Variants in LPCAT1 observed in about 807,000 individuals in gnomAD.
The protein encoded by LPCAT1 is lysophosphatidylcholine acyltransferase 1, also known as 1-acylglycerol-3-phosphate O-acyltransferase.
In LPCAT1, 23 loss-of-function variants were observed where a neutral mutation model predicts 60.9. The ratio of observed to expected loss-of-function variants is 0.38; its 90% CI spans 0.27 to 0.53. The LOEUF is 0.53. Among genes scored for constraint, LPCAT1 ranks in the 20% least tolerant of loss-of-function variants. The pLI is 0.82. For missense variants in LPCAT1, 622 were observed against 723.6 expected (o/e 0.86, Z 1.61); for synonymous variants, 340 against 301.1 (o/e 1.13, Z -1.34).
Position 1,523,782 on chromosome 5 carries a change from A to G in LPCAT1, c.63T>C (p.Ala21=). 1.7e-6 allele frequency: 2 copies of G among 1,147,102 alleles called. No homozygotes were observed. The highest frequency in any genetic ancestry group is 2.1e-6 in the Non-Finnish European group (2 of 931,558). 71.1% of individuals were successfully genotyped at this position (1,147,102 alleles called of 1,614,324 possible). The change falls in exon 1 of 14, where the codon GCT becomes GCC. Residue 21 remains alanine (A), a synonymous_variant. Coordinates refer to ENST00000283415, the MANE Select transcript of LPCAT1 (RefSeq NM_024830.5). This position sits in a 1 kb window ranked among gnomAD's most constrained non-coding sequence, Gnocchi z 7.1. ...APASSAGASD[A]RLLAPPGRNP... is the part of the protein sequence containing the mutation. The stretch of plus-strand genomic sequence containing the variant: ...TCCGCCCCGGGGGCGCCAGCAGCCG[A>G]GCGTCGCTGGCCCCTGCGCTGGAGG...
intron 1 of LPCAT1, among the ~76,000 whole-genome samples, chr5:1,505,922 T>C (rs1736174020): frequency 6.6e-6 from 1 of 152,202 alleles, no homozygotes; most frequent in Non-Finnish European, 1.5e-5. Context: ...GTGCACCTGC[T>C]CCTGTTGGTG....
In LPCAT1 at chr5:1,476,617, C is replaced by T. The variant is rs1734930004; in HGVS notation, c.899+787G>A. ...CGAGGCTGATGTGGCTTCCAAGTGG[C>T]TCCTGCAGCTCAGGTCTGGCAGCCG... is the stretch of plus-strand genomic sequence containing the variant. On this transcript the variant is annotated intron_variant, in intron 9 of 13. Transcript: ENST00000283415. The surrounding 1 kb of genome is among the most constrained non-coding windows in gnomAD (Gnocchi z 8.6). 6.6e-6 allele frequency among the ~76,000 whole-genome samples: 1 copy of T among 152,158 alleles called. No individual in the cohort carries two copies. Among genetic ancestry groups the T allele is most frequent in the Non-Finnish European group, 1.5e-5 (1 of 68,020 alleles).
At position 1,474,026 on chromosome 5, in the gene LPCAT1, C is replaced by T. The variant is rs756860780; in HGVS notation, c.1110G>A (p.Ala370=). 13 of 1,614,042 alleles carry T rather than the reference C, an allele frequency of 8.1e-6. No homozygotes were observed. The highest frequency in any genetic ancestry group is 3.3e-5 in the South Asian group (3 of 91,092). Residue 370 remains alanine (A), a synonymous_variant, in exon 11 of 14, where the codon GCG becomes GCA. Transcript: ENST00000283415. ...GGACTTCCAGGGAGGCGGCAAACTC[C>T]GCAATACCTATCTTCTCTCCTCCCT... ...RMKGGEKIGI[A]EFAASLEVPV... is the part of the protein sequence containing the mutation.
intron 3 of LPCAT1, among the ~76,000 whole-genome samples, chr5:1,490,331 C>G (rs141873212): frequency 1.3e-5 from 2 of 152,164 alleles, no homozygotes; most frequent in African/African-American, 2.4e-5. Context: ...CAGGTGGTAG[C>G]AGATGCTCAA....
Position 1,476,658 on chromosome 5 carries a change from G to GC in LPCAT1, c.899+745dup, listed in dbSNP as rs1734931707. On this transcript the variant is annotated intron_variant, in intron 9 of 13. Transcript: ENST00000283415. This position sits in a 1 kb window ranked among gnomAD's most constrained non-coding sequence, Gnocchi z 8.6. ...CTGGCAGCCGCCCGGTGGAGGGGAG[G>GC]CTCTAGCTCCACTGGACAGAGCTTT... Among the ~76,000 whole-genome samples the GC allele has an allele frequency of 6.6e-6, 1 of 152,158 alleles. No individual in the cohort carries two copies. The highest frequency in any genetic ancestry group is 6.5e-5 in the Admixed American group (1 of 15,276).
At chr5:1,469,539 T>G (rs774942211) in intron 12 of LPCAT1, among the ~76,000 whole-genome samples, 5 of 152,048 alleles carry the variant, frequency 3.3e-5, no homozygotes, top group Non-Finnish European at 7.4e-5. Context: ...CACTTTGGGA[T>G]GCTGAGGTGG....
chr5:1,496,775 G>C lies in LPCAT1; in HGVS notation c.279-1861C>G, dbSNP rs1372792876. 1.3e-5 allele frequency among the ~76,000 whole-genome samples: 2 copies of C among 152,342 alleles called. No homozygotes were observed. Among genetic ancestry groups the C allele is most frequent in the Non-Finnish European group, 2.9e-5 (2 of 68,036 alleles). On this transcript the variant is annotated intron_variant, in intron 2 of 13. Transcript: ENST00000283415. The surrounding 1 kb of genome is among the most constrained non-coding windows in gnomAD (Gnocchi z 4.7). The stretch of plus-strand genomic sequence containing the variant: ...CTATCCACATGTGAAAACCCGGACT[G>C]CTGGTGTGGATGACAGCCTCAGAGA...
rs1164550096 is a variant in LPCAT1, at chr5:1,502,237, C to G, written c.136-634G>C. Among the ~76,000 whole-genome samples the G allele has an allele frequency of 1.3e-5, 2 of 152,098 alleles. No individual in the cohort carries two copies. The highest frequency in any genetic ancestry group is 4.8e-5 in the African/African-American group (2 of 41,398). On this transcript the variant is annotated intron_variant, in intron 1 of 13. Transcript: ENST00000283415. The surrounding 1 kb of genome is among the most constrained non-coding windows in gnomAD (Gnocchi z 5.5). ...CACAACCCCAGGCAGCTCCACCCCG[C>G]AGGACGCACCCCCAGGCAGCTCCGC...
rs571123446 is a variant in LPCAT1 at position 1,523,062 on chromosome 5, G to A, written c.135+648C>T. 4.6e-5 allele frequency among the ~76,000 whole-genome samples: 7 copies of A among 152,350 alleles called. No individual in the cohort carries two copies. The highest frequency in any genetic ancestry group is 3.9e-4 in the Admixed American group (6 of 15,300). ...CCCCGAGAAAGCATCCCTTACAACA[G>A]GAGCGAAGCATGCACCCCAGAAGGC... On this transcript the variant is annotated intron_variant, in intron 1 of 13. Coordinates refer to ENST00000283415, the MANE Select transcript of LPCAT1 (RefSeq NM_024830.5). This position sits in a 1 kb window ranked among gnomAD's most constrained non-coding sequence, Gnocchi z 7.1.
intron 1 of LPCAT1, among the ~76,000 whole-genome samples, chr5:1,518,569 C>T (rs1184188202): frequency 7.2e-5 from 11 of 152,168 alleles, no homozygotes; most frequent in East Asian, 1.9e-4. Flanking sequence ...CTCGATCTCC[C>T]GACCTCATGA....
At position 1,463,580 on chromosome 5, in the gene LPCAT1, G is replaced by T. The variant is rs934198823; in HGVS notation, c.*71C>A. The T allele has an allele frequency of 6.5e-7, 1 of 1,536,782 alleles. No individual in the cohort carries two copies. The highest frequency in any genetic ancestry group is 8.9e-7 in the Non-Finnish European group (1 of 1,125,484). On this transcript the variant is annotated 3_prime_UTR_variant, in exon 14 of 14. Coordinates refer to ENST00000283415, the MANE Select transcript of LPCAT1 (RefSeq NM_024830.5). ...CAGGAGTGAGGAGCGGAGCCCAGAG[G>T]TCACTCGCAAAGAGGCTCATGGCGG...
At chr5:1,520,141 T>C (rs1371169642) in intron 1 of LPCAT1, among the ~76,000 whole-genome samples, 1 of 152,196 alleles carries the variant, frequency 6.6e-6, no homozygotes, top group Non-Finnish European at 1.5e-5. Flanking sequence ...AAGAACACAC[T>C]GCAAACACAG....
intron 5 of LPCAT1, among the ~76,000 whole-genome samples, chr5:1,486,763 T>G (rs1300594063): frequency 6.6e-6 from 1 of 152,078 alleles, no homozygotes; most frequent in African/African-American, 2.4e-5. Context: ...CCTGAGAGAT[T>G]CCGAACACGT....
chr5:1,494,516 G>A (rs1735706043), intron 3 of LPCAT1, among the ~76,000 whole-genome samples, 184 bp downstream of exon 3: 1 of 151,766 alleles, frequency 6.6e-6, no homozygotes, highest in Non-Finnish European at 1.5e-5. Context: ...TCCCAGAAGG[G>A]GGGGTCCCTA....
Position 1,500,096 on chromosome 5 carries a change from C to T in LPCAT1, c.278+1365G>A, listed in dbSNP as rs1409591881. Among the ~76,000 whole-genome samples the T allele has an allele frequency of 2.6e-5, 4 of 152,358 alleles. 1 individual carries two copies. The highest frequency in any genetic ancestry group is 4.1e-4 in the South Asian group (2 of 4,832). Reference sequence around the variant, plus strand: ...CATCACGCAGGCCAGCGGGCGTGCCCGTGCTCCAGTAAAACTTTACTTATA... The same window carrying T: ...CATCACGCAGGCCAGCGGGCGTGCCTGTGCTCCAGTAAAACTTTACTTATA... On this transcript the variant is annotated intron_variant, in intron 2 of 13. Transcript: ENST00000283415.
intron 1 of LPCAT1, among the ~76,000 whole-genome samples, chr5:1,509,283 C>T (rs914613318): frequency 4.6e-5 from 7 of 152,274 alleles, no homozygotes; most frequent in African/African-American, 1.7e-4. Context: ...ATGCTCCCTC[C>T]TGAAGGTGCA....
chr5:1,475,181 G>A (rs1209495798), intron 9 of LPCAT1, among the ~76,000 whole-genome samples: 1 of 152,260 alleles, frequency 6.6e-6, no homozygotes, highest in African/African-American at 2.4e-5. Context: ...ACCGTGCCGT[G>A]TGTGCTCAGG....
At chr5:1,516,095 C>T (rs1327083677) in intron 1 of LPCAT1, among the ~76,000 whole-genome samples, 1 of 152,236 alleles carries the variant, frequency 6.6e-6, no homozygotes, top group Non-Finnish European at 1.5e-5. Context: ...CTGCTGGGGG[C>T]TGGAGGCCAC....
chr5:1,501,420 A>ACC lies in LPCAT1; in HGVS notation c.278+39_278+40dup, dbSNP rs368802517. On this transcript the variant is annotated intron_variant, in intron 2 of 13. Transcript: ENST00000283415. ...TGGGTTCCCACTGTTTGGCCGCGTGACCCCCCCCCAGGAGGAGAGCACGGC... is the reference window on the plus strand; with the variant it reads ...TGGGTTCCCACTGTTTGGCCGCGTGACCCCCCCCCCCAGGAGGAGAGCACGGC... 1.3e-3 allele frequency: 1,932 copies of ACC among 1,484,440 alleles called. 1 individual carries two copies. Among genetic ancestry groups the ACC allele is most frequent in the Middle Eastern group, 0.013 (55 of 4,306 alleles). The allele number at this position is 1,484,440 out of a possible 1,614,324, so 92.0% of individuals were successfully genotyped here.
Sources: allele counts gnomAD v4.1 joint callset (sites outside exome capture counted in the v4.1 genomes callset), GRCh38; gene constraint gnomAD v4.1.1; non-coding constraint Gnocchi (gnomAD v3.1); transcripts MANE v1.5; gene names NCBI Gene and HGNC (gene_info 2026-07-23, HGNC 2026-07-21).